The following MCTP1 variants were observed in gnomAD, a reference collection of about 807,000 sequenced individuals.
MCTP1 encodes the protein multiple C2 and transmembrane domain containing 1, also known as multiple C2 and transmembrane domain-containing protein 1.
Under a neutral mutation model 120.6 loss-of-function variants are expected in MCTP1, and 69 were observed. That is an observed-to-expected ratio of 0.57 (90% CI 0.47 to 0.70). The LOEUF is 0.70. MCTP1 is among the 30% of genes least tolerant of loss of function. The probability of loss-of-function intolerance (pLI) is 0.00; values close to 1 mark genes in which losing one functional copy is unlikely to be tolerated. For synonymous variants in MCTP1, 529 were observed against 493.1 expected (o/e 1.07, Z -0.96); for missense variants, 1,203 against 1,248.8 (o/e 0.96, Z 0.55).
rs113454429 is a variant in MCTP1, at chr5:94,896,439, T to G, written c.1653-1604A>C. Among the ~76,000 whole-genome samples the G allele has an allele frequency of 3.9e-5, 6 of 152,232 alleles. 1 individual carries two copies. The highest frequency in any genetic ancestry group is 1.4e-4 in the African/African-American group (6 of 41,548). ...TTTTTTTCTTTTTTTTCCCACTCAC[T>G]TTGATCATGCATTTCCCGGTCCCTT... On this transcript the variant is annotated intron_variant, in intron 10 of 22. Coordinates refer to ENST00000515393, the MANE Select transcript of MCTP1 (RefSeq NM_024717.7).
rs910891526 is a variant in MCTP1, at chr5:94,710,937, A to G, written c.2721-10T>C. On this transcript the variant is annotated splice_polypyrimidine_tract_variant and intron_variant, in intron 20 of 22. Coordinates refer to ENST00000515393, the MANE Select transcript of MCTP1 (RefSeq NM_024717.7). ...AGTCCAGTTGAAAGTACTGAATGGA[A>G]AATTAACACATCAGCAATCTGAGTA... 1.3e-6 allele frequency: 2 copies of G among 1,557,964 alleles called. No individual in the cohort carries two copies. The highest frequency in any genetic ancestry group is 3.4e-5 in the Admixed American group (2 of 59,200).
chr5:95,021,529 A>G (rs139353092), intron 1 of MCTP1, among the ~76,000 whole-genome samples: 1 of 151,864 alleles, frequency 6.6e-6, no homozygotes, highest in African/African-American at 2.4e-5. Flanking sequence ...TTTCGTCTCT[A>G]TCTAGCTTAA....
intron 17 of MCTP1, among the ~76,000 whole-genome samples, chr5:94,849,158 A>G (rs1793133026): frequency 6.6e-6 from 1 of 152,142 alleles, no homozygotes; most frequent in South Asian, 2.1e-4. Flanking sequence ...TGAACTCCAC[A>G]AAAATATAAT....
chr5:95,163,037 TA>T (rs917255572), intron 1 of MCTP1, among the ~76,000 whole-genome samples: 42 of 152,242 alleles, frequency 2.8e-4, no homozygotes, highest in African/African-American at 1.0e-3. Context: ...AATATTAACT[TA>T]AAAAAACAAA....
At chr5:94,787,741 C>A (rs1360209569) in intron 18 of MCTP1, among the ~76,000 whole-genome samples, 1 of 152,010 alleles carries the variant, frequency 6.6e-6, no homozygotes, top group Non-Finnish European at 1.5e-5. Flanking sequence ...CTCAGCCTTC[C>A]GAGTAGCTGG....
Position 94,820,882 on chromosome 5 carries a change from A to G in MCTP1, c.2437-21750T>C, listed in dbSNP as rs570210885. ...TTAAACCCCATAGCTATGTTACCTC[A>G]ATAGTTATTGTGTCCCTGTGCCTAG... On this transcript the variant is annotated intron_variant, in intron 17 of 22. Coordinates refer to ENST00000515393, the MANE Select transcript of MCTP1 (RefSeq NM_024717.7). Among the ~76,000 whole-genome samples, 15 of 152,326 alleles carry G rather than the reference A, an allele frequency of 9.8e-5. No homozygotes were observed. The South Asian group carries it at 3.1e-3, about 32-fold the overall frequency.
At chr5:95,115,595 GA>G (rs1035598401) in intron 1 of MCTP1, among the ~76,000 whole-genome samples, 4 of 151,586 alleles carry the variant, frequency 2.6e-5, no homozygotes, top group Admixed American at 2.6e-4. Flanking sequence ...GGAGACAAAA[GA>G]AAAAAGAATA....
intron 18 of MCTP1, among the ~76,000 whole-genome samples, chr5:94,794,544 T>C (rs1444987594): frequency 6.6e-6 from 1 of 152,252 alleles, no homozygotes; most frequent in South Asian, 2.1e-4. Flanking sequence ...GCATGTAGCA[T>C]AGATACAGCC....
intron 1 of MCTP1, among the ~76,000 whole-genome samples, chr5:95,264,835 G>A (rs190117364): frequency 2.1e-3 from 326 of 152,286 alleles, no homozygotes; most frequent in African/African-American, 6.1e-3. Flanking sequence ...GAGTCTGCCT[G>A]AGAGAGATGT....
At chr5:94,857,504 A>AT (rs1170039274) in intron 17 of MCTP1, among the ~76,000 whole-genome samples, 1 of 151,590 alleles carries the variant, frequency 6.6e-6, no homozygotes, top group Non-Finnish European at 1.5e-5. Flanking sequence ...CTGATGGAAC[A>AT]TTTTTTCTTG....
Position 94,779,118 on chromosome 5 carries a change from C to T in MCTP1, c.2602G>A (p.Asp868Asn). 1 of 1,613,534 alleles carries T rather than the reference C, an allele frequency of 6.2e-7. No individual in the cohort carries two copies. Among genetic ancestry groups the T allele is most frequent in the African/African-American group, 1.3e-5 (1 of 75,028 alleles). Residue 868 changes from aspartate (D) to asparagine (N), a missense_variant, in exon 19 of 23, where the codon GAT (aspartate) becomes AAT (asparagine). Coordinates refer to ENST00000515393, the MANE Select transcript of MCTP1 (RefSeq NM_024717.7). ...LEDEEEEDDK[D>N]DKDSEKKGFI... ...CTGGGAAAGATAATTACCTTGTCAT[C>T]TTTGTCATCTTCTTCTTCCTCGTCC...
chr5:94,852,609 C>A (rs1222539411), intron 17 of MCTP1, among the ~76,000 whole-genome samples: 1 of 151,818 alleles, frequency 6.6e-6, no homozygotes, highest in Non-Finnish European at 1.5e-5. Flanking sequence ...ATTCTGTTGG[C>A]GTAATTTTAA....
chr5:94,717,890 T>C (rs546091599), intron 19 of MCTP1, among the ~76,000 whole-genome samples: 64 of 152,246 alleles, frequency 4.2e-4, no homozygotes, highest in Non-Finnish European at 7.1e-4. Context: ...TGGGAAAATA[T>C]TCCATGCTCA....
intron 1 of MCTP1, among the ~76,000 whole-genome samples, chr5:95,170,198 A>C (rs377331077): frequency 2.8e-4 from 42 of 152,324 alleles, no homozygotes; most frequent in Non-Finnish European, 5.1e-4. Flanking sequence ...CTGGTTGTTC[A>C]GTTTCCATGT....
chr5:95,207,751 A>C (rs891868188), intron 1 of MCTP1, among the ~76,000 whole-genome samples: 3 of 152,166 alleles, frequency 2.0e-5, no homozygotes, highest in Admixed American at 6.5e-5. Flanking sequence ...ACTGAATACA[A>C]GAATAAAAAT....
At chr5:94,936,125 C>A (rs936503525) in intron 5 of MCTP1, among the ~76,000 whole-genome samples, 10 of 151,706 alleles carry the variant, frequency 6.6e-5, no homozygotes, top group African/African-American at 2.4e-4. Context: ...TGATTTCAAG[C>A]AGATTATCAT....
intron 1 of MCTP1, among the ~76,000 whole-genome samples, chr5:95,235,478 G>T (rs1279352183): frequency 6.6e-6 from 1 of 151,028 alleles, no homozygotes; most frequent in Admixed American, 6.6e-5. Context: ...GAAAGAAAAA[G>T]AAATAAAAGG....
intron 1 of MCTP1, among the ~76,000 whole-genome samples, chr5:95,045,636 T>C (rs2151944729): frequency 6.6e-6 from 1 of 152,220 alleles, no homozygotes; most frequent in East Asian, 1.9e-4. Context: ...GTGAAAGGGG[T>C]CTGGCGTCAG....
At chr5:94,732,585 A>C (rs1027926590) in intron 19 of MCTP1, among the ~76,000 whole-genome samples, 1 of 152,218 alleles carries the variant, frequency 6.6e-6, no homozygotes, top group Non-Finnish European at 1.5e-5. Flanking sequence ...CACCAAATTC[A>C]TATGTTGAAA....
Sources: allele counts gnomAD v4.1 joint callset (sites outside exome capture counted in the v4.1 genomes callset), GRCh38; gene constraint gnomAD v4.1.1; transcripts MANE v1.5; gene names NCBI Gene and HGNC (gene_info 2026-07-23, HGNC 2026-07-21).